MIPOL1: variants seen among roughly 807,000 people sequenced by gnomAD.
MIPOL1 encodes the protein mirror-image polydactyly 1.
Under a neutral mutation model 60.9 loss-of-function variants are expected in MIPOL1, and 57 were observed. That is an observed-to-expected ratio of 0.94 (90% CI 0.76 to 1.17). The LOEUF (loss-of-function observed/expected upper bound fraction) is 1.17. Among genes scored for constraint, MIPOL1 ranks in the 50% most tolerant of loss-of-function variants. The pLI is 0.00. For synonymous variants in MIPOL1, 179 were observed against 168.8 expected (o/e 1.06, Z -0.47); for missense variants, 551 against 511.6 (o/e 1.08, Z -0.74).
chr14:37,515,297 A>G (rs1056925291), intron 12 of MIPOL1, among the ~76,000 whole-genome samples: 3 of 152,070 alleles, frequency 2.0e-5, no homozygotes, highest in African/African-American at 7.2e-5. Flanking sequence ...ATAATGAAAA[A>G]AAAAAAAAGC....
chr14:37,345,173 A>C (rs147633808), intron 9 of MIPOL1, among the ~76,000 whole-genome samples: 1 of 152,128 alleles, frequency 6.6e-6, no homozygotes, highest in Non-Finnish European at 1.5e-5. Context: ...ACTGGAGTGC[A>C]GCTCACTGCA....
chr14:37,278,695 A>G (rs980281902), intron 6 of MIPOL1: 1 of 151,818 alleles, frequency 6.6e-6, no homozygotes, highest in African/African-American at 2.4e-5. Context: ...CCTCCCAATT[A>G]TGTTATTTAG....
rs534168288 is a variant in MIPOL1 at position 37,275,298 on chromosome 14, G to A, written c.493+4773G>A. ...ATGTGGGTAATATTATTTGAAAATT[G>A]TATGAATGACCTTCAAATACTAGGG... is the stretch of plus-strand genomic sequence containing the variant. On this transcript the variant is annotated intron_variant, in intron 6 of 12. Coordinates refer to ENST00000684589, the MANE Select transcript of MIPOL1 (RefSeq NM_001388067.1). 2.6e-5 allele frequency among the ~76,000 whole-genome samples: 4 copies of A among 151,278 alleles called. No homozygotes were observed. The East Asian group carries it at 5.8e-4, about 22-fold the overall frequency.
At chr14:37,413,539 G>A (rs891470196) in intron 10 of MIPOL1, among the ~76,000 whole-genome samples, 1 of 152,192 alleles carries the variant, frequency 6.6e-6, no homozygotes, top group Admixed American at 6.5e-5. Flanking sequence ...ATAATCCAGG[G>A]TAATCTTCAT....
At chr14:37,544,964 A>G (rs899794882) in intron 12 of MIPOL1, among the ~76,000 whole-genome samples, 2 of 152,226 alleles carry the variant, frequency 1.3e-5, no homozygotes, top group Non-Finnish European at 2.9e-5. Context: ...AAGAAGCACA[A>G]CACAGATTCA....
At chr14:37,423,335 A>T (rs1044373226) in intron 11 of MIPOL1, among the ~76,000 whole-genome samples, 1 of 150,130 alleles carries the variant, frequency 6.7e-6, no homozygotes, top group African/African-American at 2.4e-5. Flanking sequence ...AAATATATAT[A>T]TTTTAAAACA....
intron 9 of MIPOL1, among the ~76,000 whole-genome samples, chr14:37,337,494 G>A (rs35006035): frequency 0.23 from 32,926 of 146,032 alleles, 4,040 homozygotes; most frequent in South Asian, 0.36. Context: ...TCAGCCTCCC[G>A]AGTTGCTAGG....
intron 10 of MIPOL1, among the ~76,000 whole-genome samples, chr14:37,381,713 G>T (rs1443979790): frequency 6.6e-6 from 1 of 150,780 alleles, no homozygotes; most frequent in East Asian, 2.0e-4. Context: ...CTCCTAAGCA[G>T]TTGACACTAT....
chr14:37,399,444 G>A (rs930888153), intron 10 of MIPOL1, among the ~76,000 whole-genome samples: 4 of 152,046 alleles, frequency 2.6e-5, no homozygotes, highest in Non-Finnish European at 5.9e-5. Context: ...CCAGTGATGC[G>A]TTCTTCCATT....
chr14:37,281,903 T>G (rs927725560), intron 6 of MIPOL1, among the ~76,000 whole-genome samples: 2 of 152,220 alleles, frequency 1.3e-5, no homozygotes, highest in Admixed American at 6.5e-5. Context: ...GAGTAATACC[T>G]TAATTTGAAA....
At position 37,422,932 on chromosome 14, in the gene MIPOL1, C is replaced by G; in HGVS notation, c.1014C>G (p.Thr338=). Residue 338 remains threonine, a synonymous_variant, in exon 11 of 13, where the codon ACC becomes ACG. Coordinates refer to ENST00000684589, the MANE Select transcript of MIPOL1 (RefSeq NM_001388067.1). The stretch of plus-strand genomic sequence containing the variant: ...AAAAACTGGAAGAGGAAATCCAGAC[C>G]CTTCGAGTTTACTACAGGTAAAATT... ...QYKKLEEEIQ[T]LRVYYSLHKS... is the part of the protein sequence containing the mutation. 2 of 1,603,334 alleles carry G rather than the reference C, an allele frequency of 1.2e-6. No individual in the cohort carries two copies. The highest frequency in any genetic ancestry group is 1.7e-6 in the Non-Finnish European group (2 of 1,173,392).
At chr14:37,452,998 T>C (rs2094439390) in intron 11 of MIPOL1, among the ~76,000 whole-genome samples, 1 of 152,194 alleles carries the variant, frequency 6.6e-6, no homozygotes, top group Non-Finnish European at 1.5e-5. Context: ...GCAATGGTAT[T>C]AAGAAGCAGC....
At chr14:37,279,972 A>G (rs138557009) in intron 6 of MIPOL1, among the ~76,000 whole-genome samples, 2 of 152,010 alleles carry the variant, frequency 1.3e-5, no homozygotes, top group African/African-American at 4.8e-5. Context: ...TCTGGTAGCT[A>G]TTGTTCTACT....
intron 11 of MIPOL1, among the ~76,000 whole-genome samples, chr14:37,494,889 C>T (rs1452263418): frequency 3.9e-5 from 6 of 151,986 alleles, no homozygotes; most frequent in Admixed American, 3.9e-4. Context: ...AACAGGTTTC[C>T]AAGGTATTTT....
intron 10 of MIPOL1, among the ~76,000 whole-genome samples, chr14:37,387,292 CTATAA>C (rs1675287709): frequency 6.6e-6 from 1 of 151,630 alleles, no homozygotes; most frequent in Admixed American, 6.6e-5. Context: ...ATAAAAATAA[CTATAA>C]TATATTAATA....
At position 37,448,099 on chromosome 14, in the gene MIPOL1, C is replaced by T. The variant is rs1301692402; in HGVS notation, c.1031+25150C>T. On this transcript the variant is annotated intron_variant, in intron 11 of 12. Transcript: ENST00000684589. The stretch of plus-strand genomic sequence containing the variant: ...AATTAAAGACAAAAATAAATAAAGT[C>T]TGATCAACCAAAACGAAAATATTTC... 2.0e-5 allele frequency among the ~76,000 whole-genome samples: 3 copies of T among 152,150 alleles called. No homozygotes were observed. The South Asian group carries it at 6.2e-4, about 31-fold the overall frequency.
At chr14:37,489,633 G>C (rs2095014718) in intron 11 of MIPOL1, among the ~76,000 whole-genome samples, 1 of 152,150 alleles carries the variant, frequency 6.6e-6, no homozygotes, top group Admixed American at 6.5e-5. Flanking sequence ...TTGGGTCTCT[G>C]ACTGGACGTC....
chr14:37,205,948 C>T (rs756418096), intron 1 of MIPOL1, among the ~76,000 whole-genome samples: 38 of 152,040 alleles, frequency 2.5e-4, no homozygotes, highest in Admixed American at 2.0e-4. Flanking sequence ...GAAACACATT[C>T]GGTTTTATAA....
chr14:37,285,752 T>C (rs931983234), intron 7 of MIPOL1, among the ~76,000 whole-genome samples: 1 of 151,822 alleles, frequency 6.6e-6, no homozygotes, highest in Non-Finnish European at 1.5e-5. Context: ...CCACCAAGCC[T>C]AGCTAATTTT....
Sources: allele counts gnomAD v4.1 joint callset (sites outside exome capture counted in the v4.1 genomes callset), GRCh38; gene constraint gnomAD v4.1.1; transcripts MANE v1.5; gene names NCBI Gene and HGNC (gene_info 2026-07-23, HGNC 2026-07-21).